PIGG: variants seen among roughly 807,000 people sequenced by gnomAD.
PIGG encodes the protein phosphatidylinositol glycan anchor biosynthesis class G (EMM blood group).
Under a neutral mutation model 83.2 loss-of-function variants are expected in PIGG, and 70 were observed. That is an observed-to-expected ratio of 0.84 (90% CI 0.69 to 1.03). PIGG has a LOEUF of 1.03. PIGG is among the 50% of genes least tolerant of loss of function. The probability of loss-of-function intolerance (pLI) is 0.00; values close to 1 mark genes in which losing one functional copy is unlikely to be tolerated. For synonymous variants in PIGG, 532 were observed against 519.5 expected (o/e 1.02, Z -0.33); for missense variants, 1,257 against 1,233.6 (o/e 1.02, Z -0.28).
At position 525,315 on chromosome 4, in the gene PIGG, C is replaced by T. The variant is rs73072150; in HGVS notation, c.2069+1402C>T. 1.8e-3 allele frequency: 1,750 copies of T among 985,164 alleles called. 23 individuals carry two copies. In the African/African-American group the frequency reaches 0.028, roughly 16 times the overall value. 61.0% of individuals were successfully genotyped at this position (985,164 alleles called of 1,614,324 possible). On this transcript the variant is annotated intron_variant, in intron 9 of 12. Coordinates refer to ENST00000453061, the MANE Select transcript of PIGG (RefSeq NM_001127178.3). Reference sequence around the variant, plus strand: ...GGACAGAAAAATAACTAAGATTTGCCGAGACTTAAATTTTAATTGTCTGGC... The same window carrying T: ...GGACAGAAAAATAACTAAGATTTGCTGAGACTTAAATTTTAATTGTCTGGC...
intron 5 of PIGG, among the ~76,000 whole-genome samples, chr4:513,221 G>A (rs555055566): frequency 6.6e-6 from 1 of 152,176 alleles, no homozygotes; most frequent in Non-Finnish European, 1.5e-5. Context: ...ACTTATGCTT[G>A]TTTTATTGAT....
chr4:534,092 T>A, intron 12 of PIGG, 111 bp downstream of exon 12: 1 of 853,756 alleles, frequency 1.2e-6, no homozygotes. Flanking sequence ...TCCAACAGTC[T>A]TTTCAACAGT....
At chr4:531,899 G>A (rs979040396) in intron 11 of PIGG, 5 of 152,394 alleles carry the variant, frequency 3.3e-5, no homozygotes, top group African/African-American at 4.8e-5. Context: ...GGTGGCCTCC[G>A]GCAGGCTCTT....
chr4:525,248 C>T lies in PIGG; in HGVS notation c.2069+1335C>T, dbSNP rs887240885. 16 of 985,216 alleles carry T rather than the reference C, an allele frequency of 1.6e-5. No individual in the cohort carries two copies. The African/African-American group carries it at 2.8e-4, about 17-fold the overall frequency. The allele number at this position is 985,216 out of a possible 1,614,324, so 61.0% of individuals were successfully genotyped here. The stretch of plus-strand genomic sequence containing the variant: ...CTGGAAAACCACCTAGAAAGTATAG[C>T]AAATCATTTCAAGCAAGGCTCGAAA... On this transcript the variant is annotated intron_variant, in intron 9 of 12. Coordinates refer to ENST00000453061, the MANE Select transcript of PIGG (RefSeq NM_001127178.3).
intron 10 of PIGG, chr4:527,788 C>G (rs1044989543): frequency 1.0e-6 from 1 of 985,296 alleles, no homozygotes; most frequent in African/African-American, 1.7e-5. Context: ...TGTGTCAAAG[C>G]AACTGTGTTT....
intron 1 of PIGG, 23 bp from the exon 2 acceptor site, chr4:500,372 CT>C (rs781852882): frequency 4.9e-5 from 77 of 1,573,088 alleles, no homozygotes; most frequent in Middle Eastern, 3.4e-4. Flanking sequence ...GTTCAATTTC[CT>C]TTTTTTTCTT....
chr4:510,801 C>G (rs1721635443), intron 5 of PIGG, among the ~76,000 whole-genome samples: 1 of 152,144 alleles, frequency 6.6e-6, no homozygotes, highest in Non-Finnish European at 1.5e-5. Context: ...GAAAGAAACC[C>G]CATACTCTTC....
chr4:505,644 A>AAC (rs1719392685), intron 2 of PIGG, 74 bp from the exon 3 acceptor site: 5 of 1,131,098 alleles, frequency 4.4e-6, no homozygotes, highest in South Asian at 2.7e-5. Flanking sequence ...AAAAAAAAAA[A>AAC]AAAAATCTTC....
intron 8 of PIGG, chr4:522,319 G>A: frequency 2.1e-6 from 1 of 472,910 alleles, no homozygotes. Context: ...GAGGGAAGAA[G>A]AGACAATCGG....
intron 12 of PIGG, among the ~76,000 whole-genome samples, chr4:535,429 C>G (rs1222521748): frequency 6.6e-6 from 1 of 152,204 alleles, no homozygotes; most frequent in Non-Finnish European, 1.5e-5. Flanking sequence ...CCGCGCACCG[C>G]GGCCCGGCCT....
At chr4:500,342 G>A (rs1717179760) in intron 1 of PIGG, 54 bp from the exon 2 acceptor site, 33 of 1,281,312 alleles carry the variant, frequency 2.6e-5, no homozygotes, top group Non-Finnish European at 3.7e-5. Context: ...GAAGGTGCTT[G>A]ATGCTAAGGA....
chr4:524,737 G>C (rs763578530), intron 9 of PIGG: 2 of 151,710 alleles, frequency 1.3e-5, no homozygotes, highest in African/African-American at 2.4e-5. Context: ...GCAGTGGCAC[G>C]ATCTTGGCTT....
At position 530,566 on chromosome 4, in the gene PIGG, T is replaced by A; in HGVS notation, c.2392T>A (p.Tyr798Asn). Residue 798 changes from tyrosine to asparagine, a missense_variant, in exon 11 of 13, where the codon TAT becomes AAT. Coordinates refer to ENST00000453061, the MANE Select transcript of PIGG (RefSeq NM_001127178.3). ...CAAGACTGTAGGTTTATGGGAGATATATAGTGGATTAGTTCTTCTGGCAGC... is the reference window on the plus strand; with the variant it reads ...CAAGACTGTAGGTTTATGGGAGATAAATAGTGGATTAGTTCTTCTGGCAGC... ...KLKTVGLWEI[Y>N]SGLVLLAALL... 2 of 1,613,724 alleles carry A rather than the reference T, an allele frequency of 1.2e-6. No homozygotes were observed. Among genetic ancestry groups the A allele is most frequent in the Non-Finnish European group, 1.7e-6 (2 of 1,179,640 alleles).
intron 5 of PIGG, among the ~76,000 whole-genome samples, chr4:509,719 G>C (rs1008632328): frequency 1.3e-5 from 2 of 152,162 alleles, no homozygotes; most frequent in Non-Finnish European, 2.9e-5. Flanking sequence ...TGCCAGCCTA[G>C]TTTCCTTTCC....
intron 10 of PIGG, among the ~76,000 whole-genome samples, chr4:529,245 C>T (rs1240172595): frequency 1.3e-5 from 2 of 152,196 alleles, no homozygotes; most frequent in African/African-American, 4.8e-5. Flanking sequence ...GAAACTTCTC[C>T]AGTGATTGTG....
At position 527,283 on chromosome 4, in the gene PIGG, C is replaced by T. The variant is rs1727915815; in HGVS notation, c.2261+53C>T. 2.0e-6 allele frequency: 3 copies of T among 1,501,094 alleles called. No individual in the cohort carries two copies. The East Asian group carries it at 7.0e-5, about 35-fold the overall frequency. The allele number at this position is 1,501,094 out of a possible 1,614,324, so 93.0% of individuals were successfully genotyped here. On this transcript the variant is annotated intron_variant, in intron 10 of 12. Coordinates refer to ENST00000453061, the MANE Select transcript of PIGG (RefSeq NM_001127178.3). ...TAGAGCCACTTTACTGTTTGAAGAA[C>T]TGGCGGACACGGGGCGCGTGGAACC... is the stretch of plus-strand genomic sequence containing the variant.
At position 522,403 on chromosome 4, in the gene PIGG, C is replaced by T. The variant is rs370478998; in HGVS notation, c.1614+462C>T. On this transcript the variant is annotated intron_variant, in intron 8 of 12. Transcript: ENST00000453061. ...CTGCCACCCCCAGAATGCATCCTGC[C>T]TCATCAGGTCCAGATTTCTTTCCAA... is the stretch of plus-strand genomic sequence containing the variant. 393 of 250,776 alleles carry T rather than the reference C, an allele frequency of 1.6e-3. 4 individuals are homozygous for T. The South Asian group carries it at 0.029, about 18-fold the overall frequency. The allele number at this position is 250,776 out of a possible 1,614,324, so 15.5% of individuals were successfully genotyped here.
chr4:528,968 G>A lies in PIGG; in HGVS notation c.2262-1468G>A, dbSNP rs779573595. On this transcript the variant is annotated intron_variant, in intron 10 of 12. Transcript: ENST00000453061. This position sits in a 1 kb window ranked among gnomAD's most constrained non-coding sequence, Gnocchi z 4.8. ...GCTCTAGATCATTGTAACAGCTGCC[G>A]CTCTCCTGTCAGTCCCCCGGGCCCT... 9.2e-5 allele frequency among the ~76,000 whole-genome samples: 14 copies of A among 152,080 alleles called. No homozygotes were observed. The highest frequency in any genetic ancestry group is 7.4e-5 in the Non-Finnish European group (5 of 68,020).
chr4:525,339 G>T (rs1343687480), intron 9 of PIGG: 3 of 985,314 alleles, frequency 3.0e-6, no homozygotes, highest in South Asian at 4.7e-5. Context: ...TAATTGTCTG[G>T]CAGTGAAGAC....
Sources: gnomAD v4.1 joint callset for allele counts (sites outside exome capture counted in the v4.1 genomes callset) on GRCh38, gnomAD v4.1.1 for gene constraint, Gnocchi (gnomAD v3.1) non-coding constraint, MANE v1.5 for transcripts, NCBI Gene and HGNC (gene_info 2026-07-23, HGNC 2026-07-21) for gene names.